Variants in NAALADL2 observed in about 807,000 individuals in gnomAD.
The protein encoded by NAALADL2 is N-acetylated alpha-linked acidic dipeptidase like 2, also known as inactive N-acetylated-alpha-linked acidic dipeptidase-like protein 2.
A neutral mutation model predicts 87.2 loss-of-function variants in NAALADL2; 76 were observed. The ratio of observed to expected loss-of-function variants is 0.87; its 90% CI spans 0.72 to 1.05. NAALADL2 has a LOEUF of 1.05. Among genes scored for constraint, NAALADL2 ranks in the 50% least tolerant of loss-of-function variants. The probability of loss-of-function intolerance (pLI) is 0.00; values close to 1 mark genes in which losing one functional copy is unlikely to be tolerated. For synonymous variants in NAALADL2, 354 were observed against 331.0 expected (o/e 1.07, Z -0.75); for missense variants, 1,089 against 945.8 (o/e 1.15, Z -1.99).
chr3:174,968,054 C>T (rs1008137144), intron 1 of NAALADL2, among the ~76,000 whole-genome samples: 2 of 152,182 alleles, frequency 1.3e-5, no homozygotes, highest in African/African-American at 4.8e-5. Context: ...AGCACTGTAT[C>T]TGAAACATAG....
At chr3:174,972,067 C>T (rs574191152) in intron 1 of NAALADL2, among the ~76,000 whole-genome samples, 1 of 152,208 alleles carries the variant, frequency 6.6e-6, no homozygotes, top group Admixed American at 6.5e-5. Flanking sequence ...CCCATGAACA[C>T]CCTACCTCAT....
At chr3:175,269,514 C>CTGTTGTGT (rs1205489813) in intron 4 of NAALADL2, among the ~76,000 whole-genome samples, 1 of 152,188 alleles carries the variant, frequency 6.6e-6, no homozygotes, top group African/African-American at 2.4e-5. Context: ...TACGTGACCG[C>CTGTTGTGT]TGTTGTGTAC....
intron 5 of NAALADL2, among the ~76,000 whole-genome samples, chr3:175,347,487 T>A (rs2148862818): frequency 6.6e-6 from 1 of 152,200 alleles, no homozygotes; most frequent in South Asian, 2.1e-4. Context: ...TTGAAAGGAA[T>A]ATACTACACA....
intron 2 of NAALADL2, among the ~76,000 whole-genome samples, chr3:175,125,244 A>C (rs1374277632): frequency 6.6e-6 from 1 of 152,076 alleles, no homozygotes; most frequent in East Asian, 1.9e-4. Flanking sequence ...GGTGGTTAAC[A>C]TACTGGATAG....
rs1284867078 is a variant in NAALADL2 at position 174,787,608 on chromosome 3, T to TAC, written c.-9+49863_-9+49864insCA. ...ATATATATATATATATATATATATA[T>TAC]ATATATATATATAGTAGTGACTCTC... On this transcript the variant is annotated intron_variant, in intron 3 of 3. Coordinates refer to the NAALADL2 transcript ENST00000434257. Among the ~76,000 whole-genome samples the TAC allele has an allele frequency of 1.7e-3, 184 of 109,178 alleles. 1 individual carries two copies. Among genetic ancestry groups the TAC allele is most frequent in the East Asian group, 3.1e-3 (12 of 3,892 alleles). The allele number at this position is 109,178 out of a possible 152,430, so 71.6% of individuals were successfully genotyped here. A position where few individuals can be genotyped will look rare whatever the true frequency, so the allele number is the denominator to read the frequency against.
chr3:174,981,365 A>G (rs1357526777), intron 1 of NAALADL2, among the ~76,000 whole-genome samples: 1 of 152,192 alleles, frequency 6.6e-6, no homozygotes, highest in African/African-American at 2.4e-5. Context: ...AAAGTATTTT[A>G]AGTGGCTTCA....
At chr3:174,767,685 A>C (rs1714008800) in intron 3 of NAALADL2, among the ~76,000 whole-genome samples, 2 of 152,244 alleles carry the variant, frequency 1.3e-5, no homozygotes, top group Admixed American at 1.3e-4. Context: ...TGTTCATGTA[A>C]ATGAACTTTC....
chr3:174,626,070 G>A (rs1721543331), intron 2 of NAALADL2, among the ~76,000 whole-genome samples: 1 of 147,448 alleles, frequency 6.8e-6, no homozygotes, highest in East Asian at 2.0e-4. Context: ...ATATTCCTAT[G>A]CATATGTATA....
intron 10 of NAALADL2, among the ~76,000 whole-genome samples, chr3:175,592,892 T>C (rs1721721999): frequency 2.0e-5 from 3 of 151,780 alleles, no homozygotes; most frequent in Admixed American, 6.6e-5. Flanking sequence ...AGTATAATAA[T>C]AATAAAATAA....
At chr3:174,972,927 C>T (rs559395556) in intron 1 of NAALADL2, among the ~76,000 whole-genome samples, 32 of 146,236 alleles carry the variant, frequency 2.2e-4, no homozygotes, top group Non-Finnish European at 3.7e-4. Flanking sequence ...ACCTGGGAGG[C>T]GGAGGTTGTG....
intron 3 of NAALADL2, among the ~76,000 whole-genome samples, chr3:174,812,450 T>C (rs1438002624): frequency 6.6e-6 from 1 of 152,188 alleles, no homozygotes; most frequent in Non-Finnish European, 1.5e-5. Flanking sequence ...TTATTTATAG[T>C]ACGTAATACT....
In NAALADL2 at chr3:175,314,696, A is replaced by C. The variant is rs868315906; in HGVS notation, c.940-9479A>C. Reference sequence around the variant, plus strand: ...TATATATATATATATATATATATATATATATATATATATATATATATATAT... The same window carrying C: ...TATATATATATATATATATATATATCTATATATATATATATATATATATAT... On this transcript the variant is annotated intron_variant, in intron 4 of 13. Coordinates refer to ENST00000454872, the MANE Select transcript of NAALADL2 (RefSeq NM_207015.3). 1.5e-3 allele frequency among the ~76,000 whole-genome samples: 130 copies of C among 87,836 alleles called. 7 individuals carry two copies. The highest frequency in any genetic ancestry group is 6.0e-3 in the Middle Eastern group (1 of 166). The allele number at this position is 87,836 out of a possible 152,430, so 57.6% of individuals were successfully genotyped here. A position where few individuals can be genotyped will look rare whatever the true frequency, so the allele number is the denominator to read the frequency against.
intron 2 of NAALADL2, among the ~76,000 whole-genome samples, chr3:175,155,546 T>C (rs1173923042): frequency 6.6e-6 from 1 of 152,152 alleles, no homozygotes; most frequent in Non-Finnish European, 1.5e-5. Context: ...CATGGTACTT[T>C]AAGTGGATAG....
intron 2 of NAALADL2, among the ~76,000 whole-genome samples, chr3:174,635,104 G>A (rs1347613214): frequency 6.6e-6 from 1 of 152,140 alleles, no homozygotes; most frequent in Admixed American, 6.5e-5. Flanking sequence ...GTAAACATTT[G>A]AATGTTTGTA....
chr3:175,643,183 A>G (rs977790335), intron 11 of NAALADL2, among the ~76,000 whole-genome samples: 2 of 152,186 alleles, frequency 1.3e-5, no homozygotes, highest in African/African-American at 4.8e-5. Context: ...CTCATTCTCC[A>G]TGTTGATAGA....
At chr3:175,068,083 A>G (rs1157379435) in intron 1 of NAALADL2, among the ~76,000 whole-genome samples, 3 of 152,010 alleles carry the variant, frequency 2.0e-5, no homozygotes, top group Non-Finnish European at 4.4e-5. Flanking sequence ...TCTAGGAACT[A>G]TTACAGTCGG....
At chr3:175,593,126 C>T (rs749044894) in intron 10 of NAALADL2, among the ~76,000 whole-genome samples, 2 of 151,922 alleles carry the variant, frequency 1.3e-5, no homozygotes, top group African/African-American at 2.4e-5. Flanking sequence ...TATTAAGCTC[C>T]GTATGCATTA....
intron 13 of NAALADL2, among the ~76,000 whole-genome samples, chr3:175,769,315 G>A (rs1322864199): frequency 6.6e-6 from 1 of 152,102 alleles, no homozygotes; most frequent in Non-Finnish European, 1.5e-5. Context: ...AGAATAAGCA[G>A]ACAAAAGACC....
intron 1 of NAALADL2, among the ~76,000 whole-genome samples, chr3:174,928,023 G>A (rs1017500034): frequency 6.6e-6 from 1 of 152,016 alleles, no homozygotes. Context: ...TTATTTTTAT[G>A]TATTTTTCTT....
Sources: allele counts gnomAD v4.1 joint callset (sites outside exome capture counted in the v4.1 genomes callset), GRCh38; gene constraint gnomAD v4.1.1; transcripts MANE v1.5; gene names NCBI Gene and HGNC (gene_info 2026-07-23, HGNC 2026-07-21).